SEMA6D: variants seen among roughly 807,000 people sequenced by gnomAD.
SEMA6D encodes the protein semaphorin-6D.
Under a neutral mutation model 106.6 loss-of-function variants are expected in SEMA6D, and 35 were observed. The observed-to-expected ratio is 0.33, with a 90% confidence interval of 0.25 to 0.44. The LOEUF (loss-of-function observed/expected upper bound fraction) is 0.44. Ranked by LOEUF, SEMA6D falls within the 20% of genes least tolerant of loss-of-function variation. SEMA6D has a pLI of 1.00. For synonymous variants in SEMA6D, 499 were observed against 487.7 expected, an observed-to-expected ratio of 1.02 and a Z score of -0.31; for missense variants, 1,185 against 1,345.9, an observed-to-expected ratio of 0.88 and a Z score of 1.87.
intron 2 of SEMA6D, among the ~76,000 whole-genome samples, chr15:47,469,169 A>T (rs1043776074): frequency 3.3e-5 from 5 of 152,230 alleles, no homozygotes; most frequent in African/African-American, 1.2e-4. Flanking sequence ...CAAGGTGATG[A>T]TAAAAAGCAA....
At chr15:47,328,815 A>G (rs1308810476) in intron 1 of SEMA6D, among the ~76,000 whole-genome samples, 1 of 152,198 alleles carries the variant, frequency 6.6e-6, no homozygotes. Flanking sequence ...AGAGATGGTG[A>G]TGGAGTCCAC....
chr15:47,754,716 T>G (rs1414429805), intron 1 of SEMA6D, among the ~76,000 whole-genome samples: 2 of 152,192 alleles, frequency 1.3e-5, no homozygotes, highest in Non-Finnish European at 2.9e-5. Context: ...AAATATTGCT[T>G]TAGTCCATTT....
chr15:47,547,115 A>G (rs1404920958), intron 3 of SEMA6D, among the ~76,000 whole-genome samples: 1 of 152,144 alleles, frequency 6.6e-6, no homozygotes, highest in African/African-American at 2.4e-5. Context: ...CAACGTATAC[A>G]TACATAAATA....
chr15:47,587,226 C>T (rs2076358020), intron 3 of SEMA6D, among the ~76,000 whole-genome samples: 1 of 152,084 alleles, frequency 6.6e-6, no homozygotes, highest in Non-Finnish European at 1.5e-5. Flanking sequence ...TCTGCCCTAC[C>T]TCACCCCACC....
intron 3 of SEMA6D, among the ~76,000 whole-genome samples, chr15:47,501,002 T>A (rs183449002): frequency 3.7e-4 from 56 of 152,276 alleles, no homozygotes; most frequent in African/African-American, 1.1e-3. Context: ...CTCAGTTGTA[T>A]AATTGCTTCC....
At chr15:47,526,347 G>A (rs1378309063) in intron 3 of SEMA6D, among the ~76,000 whole-genome samples, 1 of 152,056 alleles carries the variant, frequency 6.6e-6, no homozygotes, top group Non-Finnish European at 1.5e-5. Flanking sequence ...TGGAAAGGGG[G>A]GTCCTTTTTG....
chr15:47,221,751 G>A (rs1041657612), intron 1 of SEMA6D, among the ~76,000 whole-genome samples: 3 of 152,006 alleles, frequency 2.0e-5, no homozygotes, highest in African/African-American at 4.8e-5. Flanking sequence ...CTGTTTAATC[G>A]TTATCACTAT....
chr15:47,760,459 C>T (rs1277428824), intron 3 of SEMA6D, 44 bp downstream of exon 3: 2 of 1,445,620 alleles, frequency 1.4e-6, no homozygotes, highest in African/African-American at 2.8e-5. Flanking sequence ...ATTCTTTTCT[C>T]TTGTGGTGCT....
At chr15:47,211,839 C>A (rs970333736) in intron 1 of SEMA6D, among the ~76,000 whole-genome samples, 3 of 151,938 alleles carry the variant, frequency 2.0e-5, no homozygotes, top group Non-Finnish European at 2.9e-5. Flanking sequence ...ACATACGTTA[C>A]CTTTAATTAA....
chr15:47,366,273 T>G lies in SEMA6D; in HGVS notation c.-238-46120T>G, dbSNP rs114457653. Among the ~76,000 whole-genome samples, 810 of 152,282 alleles carry G rather than the reference T, an allele frequency of 5.3e-3. 9 individuals carry two copies. The highest frequency in any genetic ancestry group is 0.019 in the African/African-American group (778 of 41,550). ...GGCTGTTGTGTTTGGATACAGAGAG[T>G]GCACTGTGACTTCAGGGGAGCCATT... On this transcript the variant is annotated intron_variant, in intron 1 of 19. Transcript: ENST00000558014.
intron 1 of SEMA6D, among the ~76,000 whole-genome samples, chr15:47,292,270 G>T (rs2142852460): frequency 6.6e-6 from 1 of 152,262 alleles, no homozygotes; most frequent in South Asian, 2.1e-4. Flanking sequence ...GAGGTTTACA[G>T]TGGGATGCAG....
intron 1 of SEMA6D, among the ~76,000 whole-genome samples, chr15:47,227,438 T>TTTCTTTCTTTC (rs374904188): frequency 0.035 from 2,726 of 77,552 alleles, 65 homozygotes; most frequent in Middle Eastern, 0.078. Context: ...TCTTTCTTTC[T>TTTCTTTCTTTC]TTTCTTTCTT....
At chr15:47,690,672 A>G (rs1445406994) in intron 4 of SEMA6D, among the ~76,000 whole-genome samples, 1 of 152,224 alleles carries the variant, frequency 6.6e-6, no homozygotes, top group Admixed American at 6.5e-5. Flanking sequence ...CCCAGTGTCA[A>G]AAATTTATGC....
At chr15:47,317,936 A>G (rs1335193696) in intron 1 of SEMA6D, among the ~76,000 whole-genome samples, 2 of 146,886 alleles carry the variant, frequency 1.4e-5, no homozygotes, top group East Asian at 2.0e-4. Flanking sequence ...TTTTTGTCAC[A>G]TATTTCTTCT....
chr15:47,587,033 G>C (rs1252391753), intron 3 of SEMA6D, among the ~76,000 whole-genome samples: 1 of 152,140 alleles, frequency 6.6e-6, no homozygotes, highest in Admixed American at 6.5e-5. Context: ...AGGAAAGAGA[G>C]AGAAGAGTTA....
At chr15:47,434,843 C>T (rs1252250903) in intron 2 of SEMA6D, among the ~76,000 whole-genome samples, 1 of 152,078 alleles carries the variant, frequency 6.6e-6, no homozygotes, top group Non-Finnish European at 1.5e-5. Flanking sequence ...TCAGTGCGTT[C>T]TTTGTAAGAA....
chr15:47,620,916 C>T (rs995683043), intron 4 of SEMA6D, among the ~76,000 whole-genome samples: 1 of 151,924 alleles, frequency 6.6e-6, no homozygotes. Flanking sequence ...TGCATTCCAC[C>T]TGTGACCCAG....
intron 1 of SEMA6D, among the ~76,000 whole-genome samples, chr15:47,202,440 G>A (rs2141093732): frequency 6.6e-6 from 1 of 152,128 alleles, no homozygotes; most frequent in African/African-American, 2.4e-5. Context: ...AGGGAAGAAT[G>A]CCTCAAGTGA....
intron 3 of SEMA6D, among the ~76,000 whole-genome samples, chr15:47,527,952 C>A (rs2044818799): frequency 6.6e-6 from 1 of 152,170 alleles, no homozygotes; most frequent in South Asian, 2.1e-4. Flanking sequence ...ATTACTTCAA[C>A]ATAAAAAGCT....
Sources: allele counts gnomAD v4.1 joint callset (sites outside exome capture counted in the v4.1 genomes callset), GRCh38; gene constraint gnomAD v4.1.1; transcripts MANE v1.5; gene names NCBI Gene and HGNC (gene_info 2026-07-23, HGNC 2026-07-21).